ZC3H12B: variants seen among roughly 807,000 people sequenced by gnomAD.
ZC3H12B encodes probable ribonuclease ZC3H12B.
ZC3H12B carries 7 observed loss-of-function variants against 43.9 expected under a neutral mutation model. That is an observed-to-expected ratio of 0.16 (90% CI 0.09 to 0.30). The LOEUF (loss-of-function observed/expected upper bound fraction) is 0.30, where lower values mean the gene tolerates loss of function less well. Among genes scored for constraint, ZC3H12B ranks in the 10% least tolerant of loss-of-function variants. The pLI is 1.00. For missense variants in ZC3H12B, 475 were observed against 670.2 expected (o/e 0.71, Z 3.22); for synonymous variants, 222 against 241.7 (o/e 0.92, Z 0.76).
the ZC3H12B span, among the ~76,000 whole-genome samples, chrX:65,035,687 C>A: frequency 3.6e-5 from 4 of 111,200 alleles, no homozygotes; most frequent in African/African-American, 1.3e-4. Flanking sequence ...TGCTGTCGCT[C>A]CATGCCTCAA....
chrX:65,360,770 A>G, the ZC3H12B span, among the ~76,000 whole-genome samples: 3 of 112,344 alleles, frequency 2.7e-5, no homozygotes, highest in Non-Finnish European at 5.6e-5. Context: ...TTAATTTGTA[A>G]AACTGGAAAT....
At chrX:65,133,632 G>T in the ZC3H12B span, among the ~76,000 whole-genome samples, 1 of 111,273 alleles carries the variant, frequency 9.0e-6, no homozygotes, top group African/African-American at 3.3e-5. Context: ...AGCCGGACTG[G>T]GTGTGAAGAG....
chrX:65,132,302 G>T, the ZC3H12B span, among the ~76,000 whole-genome samples: 1 of 111,367 alleles, frequency 9.0e-6, no homozygotes, highest in South Asian at 3.8e-4. Flanking sequence ...TGGGAGAATT[G>T]TAAGGAGAGT....
the ZC3H12B span, among the ~76,000 whole-genome samples, chrX:65,178,926 G>T: frequency 8.9e-6 from 1 of 112,214 alleles, no homozygotes; most frequent in Non-Finnish European, 1.9e-5. Context: ...CCAAAGGATT[G>T]TAACTTATTC....
chrX:65,080,889 A>T, the ZC3H12B span, among the ~76,000 whole-genome samples: 1 of 111,769 alleles, frequency 8.9e-6, no homozygotes, highest in Non-Finnish European at 1.9e-5. Context: ...AGACTAAATG[A>T]TGAATCAATC....
At chrX:65,251,899 C>T in the ZC3H12B span, among the ~76,000 whole-genome samples, 1 of 111,490 alleles carries the variant, frequency 9.0e-6, no homozygotes, top group Admixed American at 9.5e-5. Flanking sequence ...AATTTGACTT[C>T]CTCTTTTCCT....
chrX:65,119,509 T>G, the ZC3H12B span, among the ~76,000 whole-genome samples: 2 of 112,104 alleles, frequency 1.8e-5, no homozygotes, highest in Non-Finnish European at 3.8e-5. Flanking sequence ...TTTTTTCTTG[T>G]AAATTTGTTT....
the ZC3H12B span, among the ~76,000 whole-genome samples, chrX:65,184,335 A>G: frequency 9.0e-6 from 1 of 111,381 alleles, no homozygotes; most frequent in African/African-American, 3.3e-5. Context: ...ATACCATGTT[A>G]TATTTTACAG....
the ZC3H12B span, among the ~76,000 whole-genome samples, chrX:65,251,820 T>C: frequency 9.0e-6 from 1 of 111,481 alleles, no homozygotes; most frequent in Non-Finnish European, 1.9e-5. Context: ...GCTTATCAGC[T>C]TAAGGAAATT....
chrX:65,373,921 AC>A (rs1240847454), intron 2 of ZC3H12B, among the ~76,000 whole-genome samples: 1 of 61,707 alleles, frequency 1.6e-5, no homozygotes, highest in Admixed American at 2.4e-4. Flanking sequence ...ATATATATAT[AC>A]TATATATATA....
At chrX:65,179,926 T>A in the ZC3H12B span, among the ~76,000 whole-genome samples, 1 of 111,742 alleles carries the variant, frequency 8.9e-6, no homozygotes, top group Non-Finnish European at 1.9e-5. Flanking sequence ...TCAAGAGGTA[T>A]AAAGAGGAGC....
intron 1 of ZC3H12B, among the ~76,000 whole-genome samples, chrX:65,368,043 T>C (rs1459914577): frequency 8.9e-6 from 1 of 112,324 alleles, no homozygotes. Flanking sequence ...GACTTCTAGA[T>C]AGAAAACATT....
chrX:65,397,941 T>C (rs2066720112), intron 2 of ZC3H12B, among the ~76,000 whole-genome samples: 1 of 112,227 alleles, frequency 8.9e-6, no homozygotes, highest in Non-Finnish European at 1.9e-5. Flanking sequence ...ATTTGCAGGA[T>C]ACAAATTTAA....
At chrX:65,370,147 A>T (rs758604341) in intron 2 of ZC3H12B, among the ~76,000 whole-genome samples, 1 of 112,507 alleles carries the variant, frequency 8.9e-6, no homozygotes, top group African/African-American at 3.2e-5. Context: ...AGGTTAAGAT[A>T]TGTCTGTTTT....
chrX:65,105,365 A>T, the ZC3H12B span, among the ~76,000 whole-genome samples: 1 of 111,311 alleles, frequency 9.0e-6, no homozygotes, highest in African/African-American at 3.3e-5. Context: ...GCACATGTAA[A>T]TCTATGTAAC....
the ZC3H12B span, among the ~76,000 whole-genome samples, chrX:65,329,883 G>C: frequency 2.0e-4 from 22 of 110,762 alleles, no homozygotes; most frequent in African/African-American, 7.3e-4. Context: ...ATTTCTGAGG[G>C]CTCTGTTCTG....
chrX:65,475,817 C>G (rs2067984830), intron 3 of ZC3H12B, among the ~76,000 whole-genome samples: 1 of 111,827 alleles, frequency 8.9e-6, no homozygotes, highest in East Asian at 2.8e-4. Context: ...GAGACTTATT[C>G]ACTATCACAA....
At chrX:65,376,327 GC>G (rs1340245294) in intron 2 of ZC3H12B, among the ~76,000 whole-genome samples, 1 of 112,021 alleles carries the variant, frequency 8.9e-6, no homozygotes, top group African/African-American at 3.2e-5. Context: ...TTTCTGGACT[GC>G]CCTGGTACTG....
intron 3 of ZC3H12B, among the ~76,000 whole-genome samples, chrX:65,438,038 C>T (rs1337158349): frequency 8.9e-6 from 1 of 111,816 alleles, no homozygotes; most frequent in Non-Finnish European, 1.9e-5. Flanking sequence ...TGTCAAATGT[C>T]TAGTTTTATT....
Sources: gnomAD v4.1 joint callset for allele counts (sites outside exome capture counted in the v4.1 genomes callset) on GRCh38, gnomAD v4.1.1 for gene constraint, MANE v1.5 for transcripts, NCBI Gene and HGNC (gene_info 2026-07-23, HGNC 2026-07-21) for gene names.